Variants in HTR1F observed in about 807,000 individuals in gnomAD.
The protein encoded by HTR1F is 5-hydroxytryptamine (serotonin) receptor 1F, G protein-coupled.
Under a neutral mutation model 24.0 loss-of-function variants are expected in HTR1F, and 17 were observed. The ratio of observed to expected loss-of-function variants is 0.71; its 90% confidence interval spans 0.48 to 1.06. HTR1F has a LOEUF of 1.06. Ranked by LOEUF, HTR1F falls within the 50% of genes least tolerant of loss-of-function variation. The pLI, the probability that HTR1F is intolerant of heterozygous loss-of-function variation, is 0.00. For synonymous variants in HTR1F, 186 were observed against 156.8 expected, an observed-to-expected ratio of 1.19 and a Z score of -1.39; for missense variants, 391 against 427.8, an observed-to-expected ratio of 0.91 and a Z score of 0.76.
In HTR1F at chr3:87,916,672, T is replaced by C. The variant is rs977577330; in HGVS notation, c.-42-74036T>C. Among the ~76,000 whole-genome samples, 10 of 151,936 alleles carry C rather than the reference T, an allele frequency of 6.6e-5. 1 individual carries two copies. Among genetic ancestry groups the C allele is most frequent in the Admixed American group, 6.6e-4 (10 of 15,252 alleles). ...TAAAAGGTCTTGTCCAACAGGAAAA[T>C]ATCACAATCCTAAACATATATGCAC... On this transcript the variant is annotated intron_variant, in intron 2 of 2. Transcript: ENST00000319595.
intron 1 of HTR1F, among the ~76,000 whole-genome samples, chr3:87,809,555 C>T (rs1704127414): frequency 6.6e-6 from 1 of 151,996 alleles, no homozygotes; most frequent in Non-Finnish European, 1.5e-5. Flanking sequence ...ATAAGTTCCA[C>T]TGTACATTTG....
intron 2 of HTR1F, among the ~76,000 whole-genome samples, chr3:87,935,545 C>G (rs946911246): frequency 3.5e-4 from 53 of 151,854 alleles, no homozygotes; most frequent in Non-Finnish European, 3.1e-4. Context: ...AACTGCTTCA[C>G]TCAGCTGAAA....
chr3:87,945,600 TC>T (rs1372748922), intron 2 of HTR1F, among the ~76,000 whole-genome samples: 1 of 152,040 alleles, frequency 6.6e-6, no homozygotes, highest in African/African-American at 2.4e-5. Context: ...GCCATCGGCT[TC>T]CCCAAGAAAA....
intron 2 of HTR1F, among the ~76,000 whole-genome samples, chr3:87,875,097 C>A (rs1353350847): frequency 1.3e-5 from 2 of 152,150 alleles, no homozygotes; most frequent in Non-Finnish European, 2.9e-5. Flanking sequence ...GGATATGACA[C>A]AAAAGCACAG....
chr3:87,842,881 T>C (rs1351022948), intron 2 of HTR1F, among the ~76,000 whole-genome samples: 2 of 151,814 alleles, frequency 1.3e-5, no homozygotes, highest in African/African-American at 4.9e-5. Flanking sequence ...AGCTGTAAAA[T>C]GCCACTAAGA....
chr3:87,820,789 G>A (rs1486616609), intron 1 of HTR1F, among the ~76,000 whole-genome samples: 3 of 151,936 alleles, frequency 2.0e-5, no homozygotes, highest in Non-Finnish European at 4.4e-5. Context: ...AAAATAAAGT[G>A]GCTAAGATTT....
intron 1 of HTR1F, among the ~76,000 whole-genome samples, chr3:87,804,351 T>C (rs1559588854): frequency 1.3e-5 from 2 of 152,000 alleles, no homozygotes; most frequent in African/African-American, 4.8e-5. Context: ...ATGAGAGTAA[T>C]GCTTGAGCCC....
intron 2 of HTR1F, among the ~76,000 whole-genome samples, chr3:87,978,694 G>T (rs912547015): frequency 2.0e-5 from 3 of 151,934 alleles, no homozygotes; most frequent in African/African-American, 7.3e-5. Context: ...TGTGAGTCTG[G>T]CTGAGTCCAG....
At chr3:87,971,009 C>A (rs1705274985) in intron 2 of HTR1F, among the ~76,000 whole-genome samples, 1 of 152,156 alleles carries the variant, frequency 6.6e-6, no homozygotes, top group Admixed American at 6.6e-5. Flanking sequence ...CCTTCATGAT[C>A]CCTGCCTCCT....
chr3:87,883,218 C>T (rs1705849759), intron 2 of HTR1F, among the ~76,000 whole-genome samples: 2 of 152,200 alleles, frequency 1.3e-5, no homozygotes, highest in Admixed American at 6.5e-5. Flanking sequence ...AACAGACTTG[C>T]AGCTGAGCGA....
intron 2 of HTR1F, among the ~76,000 whole-genome samples, chr3:87,901,703 A>C (rs1445305030): frequency 6.6e-6 from 1 of 151,940 alleles, no homozygotes; most frequent in East Asian, 1.9e-4. Flanking sequence ...ATATACACTC[A>C]CCAAAAATGA....
chr3:87,867,053 G>A (rs1235929452), intron 2 of HTR1F, among the ~76,000 whole-genome samples: 3 of 151,870 alleles, frequency 2.0e-5, no homozygotes, highest in African/African-American at 7.2e-5. Flanking sequence ...TGATTTATGA[G>A]AAGTATTACA....
chr3:87,990,943 T>G lies in HTR1F; in HGVS notation c.194T>G (p.Leu65Arg). The G allele has an allele frequency of 6.2e-7, 1 of 1,614,166 alleles. No homozygotes were observed. Among genetic ancestry groups the G allele is most frequent in the Non-Finnish European group, 8.5e-7 (1 of 1,180,008 alleles). The change falls in exon 3 of 3, where the codon CTT becomes CGT. Residue 65 changes from leucine (L) to arginine (R), a missense_variant. Physicochemically the swap from Leu to Arg is moderately radical, Grantham distance 102. Transcript: ENST00000319595. ...HHPANYLICS[L>R]AVTDFLVAVL... ...CCAGCCAATTATTTAATTTGTTCCC[T>G]TGCAGTCACAGATTTTCTTGTGGCT...
At chr3:87,989,413 G>C (rs1705768130) in intron 2 of HTR1F, among the ~76,000 whole-genome samples, 1 of 152,144 alleles carries the variant, frequency 6.6e-6, no homozygotes, top group Admixed American at 6.5e-5. Flanking sequence ...AATGGGCAGT[G>C]TTGTACGATT....
intron 2 of HTR1F, among the ~76,000 whole-genome samples, chr3:87,875,088 G>T (rs1214921923): frequency 6.6e-6 from 1 of 152,116 alleles, no homozygotes; most frequent in Non-Finnish European, 1.5e-5. Context: ...TAATTTTTTG[G>T]ATATGACACA....
chr3:87,913,799 C>A (rs1703832207), intron 2 of HTR1F, among the ~76,000 whole-genome samples: 1 of 152,118 alleles, frequency 6.6e-6, no homozygotes, highest in African/African-American at 2.4e-5. Context: ...ATGGGTAGAG[C>A]TGGAGACCAT....
intron 2 of HTR1F, among the ~76,000 whole-genome samples, chr3:87,888,282 A>G (rs916072899): frequency 1.5e-4 from 23 of 152,110 alleles, no homozygotes; most frequent in African/African-American, 5.1e-4. Flanking sequence ...GAACACTTGG[A>G]TACAGGAAAG....
At chr3:87,890,778 T>C (rs1706062151) in intron 2 of HTR1F, among the ~76,000 whole-genome samples, 1 of 151,982 alleles carries the variant, frequency 6.6e-6, no homozygotes, top group East Asian at 1.9e-4. Flanking sequence ...AGTACACAAA[T>C]ATTGATGCTA....
intron 2 of HTR1F, among the ~76,000 whole-genome samples, chr3:87,974,785 T>A (rs1441281710): frequency 6.6e-6 from 1 of 152,228 alleles, no homozygotes; most frequent in African/African-American, 2.4e-5. Flanking sequence ...GAGCTGCATC[T>A]TTTATGCATA....
Sources: allele counts gnomAD v4.1 joint callset (sites outside exome capture counted in the v4.1 genomes callset), GRCh38; gene constraint gnomAD v4.1.1; transcripts MANE v1.5; gene names NCBI Gene and HGNC (gene_info 2026-07-23, HGNC 2026-07-21).